The following ZNF280D variants were observed in gnomAD, a reference collection of about 807,000 sequenced individuals.
ZNF280D encodes the protein zinc finger protein 280D.
A neutral mutation model predicts 94.7 loss-of-function variants in ZNF280D; 39 were observed. That is an observed-to-expected ratio of 0.41 (90% CI 0.32 to 0.54). The LOEUF (loss-of-function observed/expected upper bound fraction) is 0.54. Among genes scored for constraint, ZNF280D ranks in the 20% least tolerant of loss-of-function variants. ZNF280D has a pLI of 0.22. For synonymous variants in ZNF280D, 398 were observed against 377.6 expected (o/e 1.05, Z -0.63); for missense variants, 1,090 against 1,149.3 (o/e 0.95, Z 0.75).
In ZNF280D at chr15:56,631,319, T is replaced by C. The variant is rs2052059572; in HGVS notation, c.*179A>G. 1.6e-5 allele frequency: 10 copies of C among 618,992 alleles called. No individual in the cohort carries two copies. The highest frequency in any genetic ancestry group is 2.7e-5 in the Non-Finnish European group (10 of 368,732). The allele number at this position is 618,992 out of a possible 1,614,324, so 38.3% of individuals were successfully genotyped here. ...ACTTTTTGGGAATCCCTACTAATCA[T>C]GCTATTATTGGTGAATTGATTTGTT... On this transcript the variant is annotated 3_prime_UTR_variant, in exon 22 of 22. Coordinates refer to ENST00000267807, the MANE Select transcript of ZNF280D (RefSeq NM_017661.4).
At chr15:56,680,804 C>A (rs1391092073) in intron 10 of ZNF280D, among the ~76,000 whole-genome samples, 1 of 151,890 alleles carries the variant, frequency 6.6e-6, no homozygotes, top group African/African-American at 2.4e-5. Flanking sequence ...ATTAAATGGG[C>A]TAATCTTAAA....
chr15:56,666,415 G>C lies in ZNF280D; in HGVS notation c.1974C>G (p.Ala658=), dbSNP rs764713996. The C allele has an allele frequency of 1.9e-6, 3 of 1,608,400 alleles. No homozygotes were observed. Among genetic ancestry groups the C allele is most frequent in the African/African-American group, 2.7e-5 (2 of 74,468 alleles). ...CTTACCTCATCATATGATTTACATA[G>C]GCTTTGCTACAGCTAGTGTTGTATC... ...FCRYNTSCSK[A]YVNHMMSFHS... Residue 658 remains alanine, a synonymous_variant, in exon 16 of 22, where the codon GCC becomes GCG. Transcript: ENST00000267807.
At chr15:56,693,926 G>A (rs1221052620) in intron 6 of ZNF280D, among the ~76,000 whole-genome samples, 1 of 152,160 alleles carries the variant, frequency 6.6e-6, no homozygotes, top group Non-Finnish European at 1.5e-5. Context: ...GGAATCTTCT[G>A]TCTTATCAGG....
Position 56,635,232 on chromosome 15 carries a change from T to C in ZNF280D, c.2278A>G (p.Met760Val). Residue 760 changes from methionine (M) to valine (V), a missense_variant, in exon 21 of 22, where the codon ATG becomes GTG. By Grantham distance (21) the Met-to-Val change is conservative. This residue lies in a region of ZNF280D where 577 missense variants were observed against 568.8 expected (regional missense o/e 1.01). Transcript: ENST00000267807. ...PVSKEIARPN[M>V]AERETETSNS... ...GATGTTTCTGTTTCTCTTTCAGCCA[T>C]GTTAGGTCTTGCAATTTCCTGAAAT... 1 of 1,544,552 alleles carries C rather than the reference T, an allele frequency of 6.5e-7. No homozygotes were observed. Among genetic ancestry groups the C allele is most frequent in the Non-Finnish European group, 8.7e-7 (1 of 1,148,378 alleles).
At chr15:56,682,518 T>G in intron 9 of ZNF280D, 41 bp from the exon 10 acceptor site, 1 of 1,337,446 alleles carries the variant, frequency 7.5e-7, no homozygotes, top group Non-Finnish European at 1.0e-6. Flanking sequence ...GCCTTACTTA[T>G]TCTTTAAAAA....
rs1444532018 is a variant in ZNF280D at position 56,641,850 on chromosome 15, AAAGGT to A, written c.2259+1097_2259+1101del. Among the ~76,000 whole-genome samples, 3 of 151,966 alleles carry A rather than the reference AAAGGT, an allele frequency of 2.0e-5. No individual in the cohort carries two copies. The East Asian group carries it at 5.8e-4, about 29-fold the overall frequency. Reference sequence around the variant, plus strand: ...GAAGAGTATAGGAAATGGTAAAAATAAAGGTAAATATAAAGCTAATTTTAAAGTTT... The same window carrying A: ...GAAGAGTATAGGAAATGGTAAAAATAAAATATAAAGCTAATTTTAAAGTTT... On this transcript the variant is annotated intron_variant, in intron 20 of 21. Coordinates refer to ENST00000267807, the MANE Select transcript of ZNF280D (RefSeq NM_017661.4).
chr15:56,645,272 C>T (rs2052823428), intron 19 of ZNF280D: 1 of 152,128 alleles, frequency 6.6e-6, no homozygotes, highest in African/African-American at 2.4e-5. Context: ...ATACTTTCCA[C>T]CTGTGAATGT....
chr15:56,649,022 T>A (rs774439768), intron 19 of ZNF280D, among the ~76,000 whole-genome samples: 2 of 152,068 alleles, frequency 1.3e-5, no homozygotes, highest in Non-Finnish European at 2.9e-5. Context: ...ATAATCATTT[T>A]AGATAGACAG....
At chr15:56,705,144 T>C (rs1298245418) in intron 3 of ZNF280D, among the ~76,000 whole-genome samples, 1 of 152,128 alleles carries the variant, frequency 6.6e-6, no homozygotes, top group African/African-American at 2.4e-5. Flanking sequence ...ATAGTCCATC[T>C]ACCAAAAAAA....
intron 14 of ZNF280D, chr15:56,668,220 G>A (rs1650351333): frequency 4.5e-6 from 2 of 446,696 alleles, no homozygotes; most frequent in Admixed American, 2.5e-5. Flanking sequence ...TCCCTCCACT[G>A]GAGCAAATAT....
intron 1 of ZNF280D, among the ~76,000 whole-genome samples, chr15:56,713,546 T>C (rs1217589018): frequency 6.6e-6 from 1 of 152,186 alleles, no homozygotes; most frequent in Non-Finnish European, 1.5e-5. Flanking sequence ...TTAGTCTTTA[T>C]GTCACTAATG....
At chr15:56,681,581 C>T (rs1419708249) in intron 10 of ZNF280D, among the ~76,000 whole-genome samples, 1 of 152,066 alleles carries the variant, frequency 6.6e-6, no homozygotes, top group African/African-American at 2.4e-5. Context: ...ACATAATCAA[C>T]AAATAATTTC....
intron 16 of ZNF280D, among the ~76,000 whole-genome samples, chr15:56,663,115 T>C (rs1396170574): frequency 1.4e-5 from 2 of 145,850 alleles, no homozygotes; most frequent in African/African-American, 2.5e-5. Context: ...AAAAATCCCA[T>C]CCCTACAAAA....
intron 1 of ZNF280D, chr15:56,724,801 CACT>C (rs774267129): frequency 2.5e-6 from 1 of 403,754 alleles, no homozygotes; most frequent in South Asian, 1.8e-5. Context: ...AATGAACAGA[CACT>C]ACAATGTAGT....
intron 1 of ZNF280D, among the ~76,000 whole-genome samples, chr15:56,720,351 A>G (rs1349545151): frequency 6.6e-6 from 1 of 152,328 alleles, no homozygotes; most frequent in South Asian, 2.1e-4. Context: ...GCACTTAGTC[A>G]CATCTTCAGG....
At chr15:56,679,289 C>A (rs745656621) in intron 10 of ZNF280D, among the ~76,000 whole-genome samples, 41 of 152,146 alleles carry the variant, frequency 2.7e-4, no homozygotes, top group Non-Finnish European at 5.3e-4. Flanking sequence ...AGGAGGAAAT[C>A]TTTTAAGGCC....
At chr15:56,668,501 T>C (rs1189244349) in intron 14 of ZNF280D, among the ~76,000 whole-genome samples, 1 of 152,108 alleles carries the variant, frequency 6.6e-6, no homozygotes, top group Non-Finnish European at 1.5e-5. Flanking sequence ...AAGCATCTTA[T>C]AGTTTAGCAA....
chr15:56,680,830 A>G (rs1271659919), intron 10 of ZNF280D, among the ~76,000 whole-genome samples: 1 of 152,210 alleles, frequency 6.6e-6, no homozygotes, highest in Non-Finnish European at 1.5e-5. Flanking sequence ...GGCCAAAAAA[A>G]TACTGCTGAA....
intron 1 of ZNF280D, among the ~76,000 whole-genome samples, chr15:56,716,872 G>C (rs373388645): frequency 6.6e-6 from 1 of 152,088 alleles, no homozygotes; most frequent in East Asian, 1.9e-4. Flanking sequence ...ATAACTACAG[G>C]CATAATTCAC....
Sources: gnomAD v4.1 joint callset for allele counts (sites outside exome capture counted in the v4.1 genomes callset) on GRCh38, gnomAD v4.1.1 for gene constraint, gnomAD v4.1.1 regional missense constraint, MANE v1.5 for transcripts, NCBI Gene and HGNC (gene_info 2026-07-23, HGNC 2026-07-21) for gene names.